Variants in COL9A1 observed in about 807,000 individuals in gnomAD.
COL9A1 encodes collagen type IX alpha 1 chain, also known as collagen alpha-1(IX) chain.
A neutral mutation model predicts 142.6 loss-of-function variants in COL9A1; 104 were observed. That is an observed-to-expected ratio of 0.73 (90% confidence interval 0.62 to 0.86). The LOEUF (loss-of-function observed/expected upper bound fraction) is 0.86, where lower values mean the gene tolerates loss of function less well. Among genes scored for constraint, COL9A1 ranks in the 40% least tolerant of loss-of-function variants. COL9A1 has a pLI of 0.00. For missense variants in COL9A1, 1,210 were observed against 1,176.6 expected, an observed-to-expected ratio of 1.03 and a Z score of -0.42; for synonymous variants, 466 against 396.0, an observed-to-expected ratio of 1.18 and a Z score of -2.10.
intron 20 of COL9A1, among the ~76,000 whole-genome samples, chr6:70,259,590 C>T (rs977179081): frequency 2.0e-5 from 3 of 152,204 alleles, no homozygotes; most frequent in Admixed American, 6.5e-5. Flanking sequence ...GGCAACACCT[C>T]ATCCTTCCAG....
chr6:70,248,722 C>G (rs1021664180), intron 28 of COL9A1, among the ~76,000 whole-genome samples: 1 of 152,068 alleles, frequency 6.6e-6, no homozygotes, highest in Non-Finnish European at 1.5e-5. Flanking sequence ...ATTACGCCTC[C>G]GATTCAATTC....
At chr6:70,225,909 T>A in intron 37 of COL9A1, 23 bp downstream of exon 37, 1 of 1,605,240 alleles carries the variant, frequency 6.2e-7, no homozygotes, top group Non-Finnish European at 8.5e-7. Flanking sequence ...TACCTCCTCC[T>A]CTCAGCTATA....
chr6:70,297,952 C>T (rs1773906669), intron 4 of COL9A1, among the ~76,000 whole-genome samples: 1 of 152,020 alleles, frequency 6.6e-6, no homozygotes, highest in Non-Finnish European at 1.5e-5. Context: ...TTCCATATAC[C>T]GTAATATTTT....
At chr6:70,297,682 G>C (rs1196590000) in intron 4 of COL9A1, among the ~76,000 whole-genome samples, 1 of 152,098 alleles carries the variant, frequency 6.6e-6, no homozygotes, top group Non-Finnish European at 1.5e-5. Context: ...AGTACCTTAA[G>C]TGAAGAATCA....
chr6:70,256,400 C>A (rs749304686), intron 21 of COL9A1, among the ~76,000 whole-genome samples: 18 of 151,968 alleles, frequency 1.2e-4, no homozygotes, highest in Non-Finnish European at 2.4e-4. Context: ...ATATGGCAAT[C>A]AAAATGTGGA....
chr6:70,233,081 C>G (rs516166), intron 35 of COL9A1, among the ~76,000 whole-genome samples: 1 of 151,670 alleles, frequency 6.6e-6, no homozygotes, highest in African/African-American at 2.4e-5. Context: ...TTGGGGTGAA[C>G]GATGTTCTGG....
intron 5 of COL9A1, among the ~76,000 whole-genome samples, chr6:70,293,641 A>T (rs1314247197): frequency 4.2e-5 from 6 of 141,698 alleles, no homozygotes; most frequent in Non-Finnish European, 9.0e-5. Flanking sequence ...TCACACACAC[A>T]CACACACACA....
rs889107989 is a variant in COL9A1, at chr6:70,283,794, A to G, written c.723T>C (p.His241=). The G allele has an allele frequency of 2.5e-6, 4 of 1,610,188 alleles. No homozygotes were observed. Among genetic ancestry groups the G allele is most frequent in the South Asian group, 1.1e-5 (1 of 89,822 alleles). ...VPFELQWMLI[H]CDPLRPRRET... is the part of the protein sequence containing the mutation. ...CTCTCCTGGGCCGCAGGGGGTCACA[A>G]TGGATCAGCATCCATTGAAGTTCAA... The change falls in exon 6 of 38, where the codon CAT becomes CAC. Residue 241 remains histidine (H), a synonymous_variant. Coordinates refer to ENST00000357250, the MANE Select transcript of COL9A1 (RefSeq NM_001851.6).
In COL9A1 at chr6:70,295,277, GCTT is replaced by G. The variant is rs1253154390; in HGVS notation, c.300-717_300-715del. On this transcript the variant is annotated intron_variant, in intron 4 of 37. Transcript: ENST00000357250. ...ACTTCTCTACTGCAACTCTGTTGTTGCTTCTTTTTTTTTTTTTTTTTTTTTTTT... is the reference window on the plus strand; with the variant it reads ...ACTTCTCTACTGCAACTCTGTTGTTGCTTTTTTTTTTTTTTTTTTTTTTTT... 1.8e-3 allele frequency among the ~76,000 whole-genome samples: 187 copies of G among 106,020 alleles called. 2 individuals carry two copies. The highest frequency in any genetic ancestry group is 7.0e-3 in the African/African-American group (179 of 25,500). The allele number at this position is 106,020 out of a possible 152,430, so 69.6% of individuals were successfully genotyped here. A position where few individuals can be genotyped will look rare whatever the true frequency, so the allele number is the denominator to read the frequency against.
At chr6:70,235,279 C>G (rs1373571777) in intron 33 of COL9A1, among the ~76,000 whole-genome samples, 1 of 152,004 alleles carries the variant, frequency 6.6e-6, no homozygotes, top group Non-Finnish European at 1.5e-5. Flanking sequence ...ATGGTGAAAC[C>G]CTGTCTCTAC....
chr6:70,268,784 A>C lies in COL9A1; in HGVS notation c.1287+20T>G. On this transcript the variant is annotated intron_variant, in intron 17 of 37. Coordinates refer to ENST00000357250, the MANE Select transcript of COL9A1 (RefSeq NM_001851.6). ...TATCTGTGGATAATACTCTTAAAAT[A>C]CTGGAAGTTATTCTCTTACCCTCAT... The C allele has an allele frequency of 6.2e-7, 1 of 1,609,682 alleles. No homozygotes were observed. The highest frequency in any genetic ancestry group is 8.5e-7 in the Non-Finnish European group (1 of 1,176,198).
intron 10 of COL9A1, among the ~76,000 whole-genome samples, 184 bp downstream of exon 10, chr6:70,280,628 C>T (rs2127596962): frequency 6.6e-6 from 1 of 152,342 alleles, no homozygotes; most frequent in Middle Eastern, 3.4e-3. Flanking sequence ...CTCACCTTCA[C>T]AAGTCCTTTT....
At chr6:70,224,560 A>G (rs1769105777) in intron 37 of COL9A1, among the ~76,000 whole-genome samples, 1 of 152,214 alleles carries the variant, frequency 6.6e-6, no homozygotes, top group South Asian at 2.1e-4. Flanking sequence ...AGGAGTTATT[A>G]GGCTTTCTCA....
intron 12 of COL9A1, among the ~76,000 whole-genome samples, chr6:70,272,536 G>C (rs1000836765): frequency 2.0e-5 from 3 of 152,078 alleles, no homozygotes; most frequent in African/African-American, 7.2e-5. Flanking sequence ...TCAGCACAGA[G>C]AGGCAGGGAC....
At chr6:70,298,496 A>G (rs1288137323) in intron 4 of COL9A1, among the ~76,000 whole-genome samples, 5 of 152,132 alleles carry the variant, frequency 3.3e-5, no homozygotes, top group African/African-American at 1.2e-4. Flanking sequence ...ACAAGCCTTG[A>G]CAGTAAAACA....
At chr6:70,273,952 T>C in intron 12 of COL9A1, 95 bp downstream of exon 12, 1 of 600,026 alleles carries the variant, frequency 1.7e-6, no homozygotes, top group Non-Finnish European at 2.4e-6. Context: ...AATAAATAAA[T>C]AAATAAATAA....
rs540419799 is a variant in COL9A1 at position 70,260,684 on chromosome 6, G to T, written c.1422C>A (p.Thr474=). The change falls in exon 20 of 38, where the codon ACC becomes ACA. Residue 474 remains threonine (T), a synonymous_variant. Transcript: ENST00000357250. ...TTTCCCCTTTGTCCCCAACTATGCC[G>T]GTGATGCCTCGCAAACCCTGGGCTC... ...PPGAQGLRGI[T]GIVGDKGEKG... The T allele has an allele frequency of 4.3e-6, 7 of 1,613,612 alleles. No homozygotes were observed. In the South Asian group the frequency reaches 4.4e-5, roughly 10 times the overall value.
chr6:70,232,868 TGTCACCAGATC>T, intron 35 of COL9A1, 97 bp from the exon 36 acceptor site: 1 of 1,190,152 alleles, frequency 8.4e-7, no homozygotes, highest in South Asian at 1.3e-5. Flanking sequence ...TTTCTAAATG[TGTCACCAGATC>T]TTCAAAATTG....
intron 21 of COL9A1, among the ~76,000 whole-genome samples, chr6:70,256,389 C>G (rs896820679): frequency 6.6e-6 from 1 of 152,088 alleles, no homozygotes; most frequent in African/African-American, 2.4e-5. Flanking sequence ...GACACATGGA[C>G]ATATGGCAAT....
Sources: allele counts gnomAD v4.1 joint callset (sites outside exome capture counted in the v4.1 genomes callset), GRCh38; gene constraint gnomAD v4.1.1; transcripts MANE v1.5; gene names NCBI Gene and HGNC (gene_info 2026-07-23, HGNC 2026-07-21).